Variants in P2RY14 observed in about 807,000 individuals in gnomAD.
The protein encoded by P2RY14 is P2Y purinoceptor 14.
Under a neutral mutation model 0.9 loss-of-function variants are expected in P2RY14, and 2 were observed. The ratio of observed to expected loss-of-function variants is 2.16; its 90% CI spans 0.88 to 6.79. The LOEUF is 6.79. Among genes scored for constraint, P2RY14 ranks in the 30% most tolerant of loss-of-function variants. The probability of loss-of-function intolerance (pLI) is 0.05; values close to 1 mark genes in which losing one functional copy is unlikely to be tolerated. For synonymous variants in P2RY14, 158 were observed against 147.2 expected, an observed-to-expected ratio of 1.07 and a Z score of -0.53; for missense variants, 378 against 400.1, an observed-to-expected ratio of 0.94 and a Z score of 0.47.
At chr3:151,238,978 T>C (rs1445090343) in intron 1 of P2RY14, among the ~76,000 whole-genome samples, 1 of 152,176 alleles carries the variant, frequency 6.6e-6, no homozygotes, top group Non-Finnish European at 1.5e-5. Context: ...CTGAATGAAC[T>C]GAGAGACAAT....
chr3:151,260,118 G>A (rs916758123), intron 1 of P2RY14, among the ~76,000 whole-genome samples: 1 of 152,138 alleles, frequency 6.6e-6, no homozygotes, highest in African/African-American at 2.4e-5. Context: ...GTGGGCTTAG[G>A]GTAGCAGATC....
At chr3:151,238,892 A>G (rs1166782062) in intron 1 of P2RY14, among the ~76,000 whole-genome samples, 2 of 152,214 alleles carry the variant, frequency 1.3e-5, no homozygotes, top group Non-Finnish European at 2.9e-5. Context: ...TGCATTTTTC[A>G]TGGAACACCA....
chr3:151,269,435 A>ACACACACACACG (rs1740463179), intron 1 of P2RY14: 1 of 212,350 alleles, frequency 4.7e-6, no homozygotes, highest in African/African-American at 2.5e-5. Context: ...ACACACACAC[A>ACACACACACACG]CACACAAAAT....
chr3:151,231,640 G>A lies in P2RY14; in HGVS notation c.-132-11998C>T, dbSNP rs562206825. Among the ~76,000 whole-genome samples the A allele has an allele frequency of 2.0e-4, 30 of 152,286 alleles. 1 individual carries two copies. The South Asian group carries it at 5.6e-3, about 28-fold the overall frequency. On this transcript the variant is annotated intron_variant, in intron 1 of 2. Transcript: ENST00000309170. ...CATGATGGGCTGGAAGGGGACAGTC[G>A]TAGATTAAAACAGGCCAAAGAGAAA...
intron 1 of P2RY14, among the ~76,000 whole-genome samples, chr3:151,228,662 T>C (rs13317873): frequency 0.48 from 72,917 of 151,744 alleles, 17,987 homozygotes; most frequent in Middle Eastern, 0.62. Context: ...AACAACAGAG[T>C]GTATGTATGA....
At chr3:151,269,636 AT>A in intron 1 of P2RY14, 1 of 392,678 alleles carries the variant, frequency 2.5e-6, no homozygotes. Context: ...GCACTGTATT[AT>A]TTGACGAGTT....
At chr3:151,237,925 T>C (rs1733250348) in intron 1 of P2RY14, among the ~76,000 whole-genome samples, 1 of 152,216 alleles carries the variant, frequency 6.6e-6, no homozygotes, top group Non-Finnish European at 1.5e-5. Context: ...ATTTGTAGAC[T>C]TCTTTGAATA....
chr3:151,263,771 C>A (rs932887338), intron 1 of P2RY14, among the ~76,000 whole-genome samples: 2 of 150,696 alleles, frequency 1.3e-5, no homozygotes, highest in East Asian at 1.9e-4. Context: ...CCACCCCCCC[C>A]ACTTATCAGC....
chr3:151,271,844 T>G (rs1488612607), intron 1 of P2RY14, among the ~76,000 whole-genome samples: 6 of 152,150 alleles, frequency 3.9e-5, no homozygotes, highest in Non-Finnish European at 5.9e-5. Context: ...TGAGAGAAAT[T>G]AGGAATGTAG....
intron 1 of P2RY14, among the ~76,000 whole-genome samples, chr3:151,268,422 G>C (rs1328712143): frequency 6.6e-6 from 1 of 152,182 alleles, no homozygotes; most frequent in Non-Finnish European, 1.5e-5. Flanking sequence ...TCTGTGCTGA[G>C]TTAAACTGCT....
At chr3:151,230,659 C>A (rs545240042) in intron 1 of P2RY14, among the ~76,000 whole-genome samples, 1 of 151,474 alleles carries the variant, frequency 6.6e-6, no homozygotes, top group Non-Finnish European at 1.5e-5. Flanking sequence ...CTATTTTCAA[C>A]GTCTCTTTCT....
intron 1 of P2RY14, among the ~76,000 whole-genome samples, chr3:151,268,422 G>T (rs1328712143): frequency 1.3e-5 from 2 of 152,182 alleles, no homozygotes; most frequent in Non-Finnish European, 2.9e-5. Flanking sequence ...TCTGTGCTGA[G>T]TTAAACTGCT....
intron 1 of P2RY14, among the ~76,000 whole-genome samples, chr3:151,222,740 T>C (rs1404139804): frequency 6.6e-6 from 1 of 152,216 alleles, no homozygotes; most frequent in Non-Finnish European, 1.5e-5. Flanking sequence ...ATGCTGCTGG[T>C]CCATGTACCA....
At chr3:151,240,023 A>G (rs2149373940) in intron 1 of P2RY14, among the ~76,000 whole-genome samples, 1 of 123,534 alleles carries the variant, frequency 8.1e-6, no homozygotes, top group Admixed American at 9.0e-5. Context: ...AGTAATCCTG[A>G]TGTCTTTCTC....
intron 2 of P2RY14, among the ~76,000 whole-genome samples, chr3:151,216,156 A>T (rs117038334): frequency 0.027 from 4,068 of 152,250 alleles, 146 homozygotes; most frequent in East Asian, 0.18. Context: ...TTACTCTTGA[A>T]TTCTTTGCAT....
intron 2 of P2RY14, among the ~76,000 whole-genome samples, chr3:151,215,789 C>A (rs1340058028): frequency 6.6e-6 from 1 of 152,206 alleles, no homozygotes; most frequent in Non-Finnish European, 1.5e-5. Flanking sequence ...ATGTTGAAGT[C>A]CTTTCTTGTT....
At chr3:151,265,074 T>C (rs1414503533) in intron 1 of P2RY14, among the ~76,000 whole-genome samples, 2 of 152,238 alleles carry the variant, frequency 1.3e-5, no homozygotes, top group Non-Finnish European at 2.9e-5. Flanking sequence ...CTCGCCATTA[T>C]GTCCTGCCTC....
At chr3:151,260,802 T>A (rs934896945) in intron 1 of P2RY14, among the ~76,000 whole-genome samples, 9 of 152,350 alleles carry the variant, frequency 5.9e-5, no homozygotes, top group Non-Finnish European at 1.2e-4. Flanking sequence ...TGTAATCTTT[T>A]TTTTTCTCTT....
chr3:151,232,238 ATTGT>A (rs1731836753), intron 1 of P2RY14, among the ~76,000 whole-genome samples: 1 of 152,164 alleles, frequency 6.6e-6, no homozygotes, highest in Non-Finnish European at 1.5e-5. Context: ...TACTTAAAAC[ATTGT>A]TTGTAGCTCT....
Sources: allele counts gnomAD v4.1 joint callset (sites outside exome capture counted in the v4.1 genomes callset), GRCh38; gene constraint gnomAD v4.1.1; transcripts MANE v1.5; gene names NCBI Gene and HGNC (gene_info 2026-07-23, HGNC 2026-07-21).